The following CLEC17A variants were observed in gnomAD, a reference collection of about 807,000 sequenced individuals.
The protein encoded by CLEC17A is C-type lectin domain family 17, member A.
A neutral mutation model predicts 61.3 loss-of-function variants in CLEC17A; 37 were observed. The ratio of observed to expected loss-of-function variants is 0.60; its 90% CI spans 0.46 to 0.79. The LOEUF is 0.79. CLEC17A is among the 30% of genes least tolerant of loss of function. The pLI is 0.00. For synonymous variants in CLEC17A, 168 were observed against 164.9 expected (o/e 1.02, Z -0.14); for missense variants, 418 against 464.7 (o/e 0.90, Z 0.92).
chr19:14,597,091 C>G lies in CLEC17A; in HGVS notation c.584-8C>G, dbSNP rs146675469. ...GGACCTGGGCTCAATTTGGACTCTTCTTCATAGACCAGGAGTTGATGGAAG... is the reference window on the plus strand; with the variant it reads ...GGACCTGGGCTCAATTTGGACTCTTGTTCATAGACCAGGAGTTGATGGAAG... On this transcript the variant is annotated splice_polypyrimidine_tract_variant and splice_region_variant and intron_variant, in intron 9 of 13. Coordinates refer to ENST00000417570, the MANE Select transcript of CLEC17A (RefSeq NM_001204118.2). The G allele has an allele frequency of 0.012, 19,647 of 1,612,932 alleles. 132 individuals are homozygous for G. The highest frequency in any genetic ancestry group is 0.019 in the South Asian group (1,692 of 90,834).
At chr19:14,581,345 A>G (rs1267721998), upstream of CLEC17A, among the ~76,000 whole-genome samples, 1 of 152,162 alleles carries the variant, frequency 6.6e-6, no homozygotes, top group Non-Finnish European at 1.5e-5. Context: ...CTATTTTGAG[A>G]TAGAGTCCTG....
At chr19:14,595,879 G>A (rs1395247790) in intron 8 of CLEC17A, among the ~76,000 whole-genome samples, 1 of 142,904 alleles carries the variant, frequency 7.0e-6, no homozygotes, top group Non-Finnish European at 1.5e-5. Flanking sequence ...GTGTTAGTGA[G>A]ATGGTGATGA....
In CLEC17A at chr19:14,596,890, T is replaced by C; in HGVS notation, c.460T>C (p.Trp154Arg). Residue 154 changes from tryptophan to arginine, a missense_variant, in exon 9 of 14, where the codon TGG becomes CGG. By Grantham distance (101) the Trp-to-Arg change is moderately radical. Transcript: ENST00000417570. ...QPSLAATPVP[W>R]LNQRSGGPGC... is the part of the protein sequence containing the mutation. ...CCACTCCCCAGCAACTCCAGTCCCCTGGCTCAATCAGAGGTCTGGAGGTCC... is the reference window on the plus strand; with the variant it reads ...CCACTCCCCAGCAACTCCAGTCCCCCGGCTCAATCAGAGGTCTGGAGGTCC... 6.2e-7 allele frequency: 1 copy of C among 1,609,214 alleles called. No homozygotes were observed. The highest frequency in any genetic ancestry group is 1.3e-5 in the African/African-American group (1 of 74,842).
At chr19:14,608,822 C>T (rs1304880409) in intron 13 of CLEC17A, among the ~76,000 whole-genome samples, 2 of 142,010 alleles carry the variant, frequency 1.4e-5, no homozygotes, top group African/African-American at 5.3e-5. Context: ...TTTTTTGAGA[C>T]GGAGTCTCAC....
At chr19:14,601,982 C>T (rs1255686945) in intron 12 of CLEC17A, among the ~76,000 whole-genome samples, 8 of 151,840 alleles carry the variant, frequency 5.3e-5, no homozygotes, top group Non-Finnish European at 7.4e-5. Context: ...TTAGTAGAGA[C>T]GGGGTTTCAC....
upstream of CLEC17A, chr19:14,582,983 GT>G: frequency 1.6e-6 from 1 of 617,364 alleles, no homozygotes; most frequent in Non-Finnish European, 2.9e-6. Flanking sequence ...GTGTGTGTGT[GT>G]GTGTGTTTGT....
At chr19:14,588,277 C>T (rs1387761093) in intron 3 of CLEC17A, 1 of 147,256 alleles carries the variant, frequency 6.8e-6, no homozygotes, top group Non-Finnish European at 1.5e-5. Context: ...CGCTTGAGGA[C>T]AGGAGTTTGA....
At chr19:14,605,494 A>G (rs1330866986) in intron 12 of CLEC17A, among the ~76,000 whole-genome samples, 8 of 152,206 alleles carry the variant, frequency 5.3e-5, no homozygotes, top group Admixed American at 5.2e-4. Context: ...ATGTATGTTC[A>G]GTGAACTTTG....
At chr19:14,601,450 G>T (rs1236460325) in intron 12 of CLEC17A, among the ~76,000 whole-genome samples, 1 of 152,150 alleles carries the variant, frequency 6.6e-6, no homozygotes, top group Non-Finnish European at 1.5e-5. Context: ...ATTACTATTT[G>T]TACACAATAT....
chr19:14,587,999 G>A lies in CLEC17A; in HGVS notation c.199+308G>A, dbSNP rs186766384. 2.0e-5 allele frequency among the ~76,000 whole-genome samples: 3 copies of A among 152,238 alleles called. No homozygotes were observed. The East Asian group carries it at 5.8e-4, about 30-fold the overall frequency. On this transcript the variant is annotated intron_variant, in intron 3 of 13. Coordinates refer to ENST00000417570, the MANE Select transcript of CLEC17A (RefSeq NM_001204118.2). ...TGAGGGATGAGTAGACATTTCTTAA[G>A]AAGAGAAGTCCAGGAGAGAACTGTT...
At chr19:14,591,377 A>G (rs2074412081) in intron 3 of CLEC17A, among the ~76,000 whole-genome samples, 1 of 150,244 alleles carries the variant, frequency 6.7e-6, no homozygotes, top group South Asian at 2.1e-4. Context: ...GATAGTCTCG[A>G]TCTCCTGACC....
At chr19:14,598,921 C>T (rs1161853134) in intron 10 of CLEC17A, among the ~76,000 whole-genome samples, 2 of 152,048 alleles carry the variant, frequency 1.3e-5, no homozygotes, top group Non-Finnish European at 2.9e-5. Context: ...GATTGCACTC[C>T]AGCCTGTGGG....
chr19:14,591,912 G>C (rs2074428589), intron 3 of CLEC17A, among the ~76,000 whole-genome samples: 2 of 151,376 alleles, frequency 1.3e-5, no homozygotes, highest in South Asian at 4.2e-4. Context: ...GTGTGTGTGT[G>C]TGTGTGTGTG....
At chr19:14,593,831 G>A (rs569681323) in intron 4 of CLEC17A, among the ~76,000 whole-genome samples, 9 of 151,778 alleles carry the variant, frequency 5.9e-5, no homozygotes, top group Non-Finnish European at 7.4e-5. Context: ...GTGTGGTGGT[G>A]GGCACCTGTA....
chr19:14,606,448 G>A (rs1264944843), intron 12 of CLEC17A, among the ~76,000 whole-genome samples: 2 of 151,950 alleles, frequency 1.3e-5, no homozygotes, highest in Non-Finnish European at 2.9e-5. Context: ...GGAGGCTGAG[G>A]CAGGTGAATC....
upstream of CLEC17A, among the ~76,000 whole-genome samples, chr19:14,582,368 A>G (rs1051180876): frequency 2.0e-5 from 3 of 151,302 alleles, no homozygotes; most frequent in African/African-American, 7.3e-5. Flanking sequence ...ACCCGCCACC[A>G]CACCCAGCTA....
chr19:14,587,707 G>A lies in CLEC17A; in HGVS notation c.199+16G>A. On this transcript the variant is annotated intron_variant, in intron 3 of 13. Transcript: ENST00000417570. Reference sequence around the variant, plus strand: ...CCCAAGCCAGGTAAGAGGACTTTTTGGAGTGTGACCTGGGGGAATACAGGG... The same window carrying A: ...CCCAAGCCAGGTAAGAGGACTTTTTAGAGTGTGACCTGGGGGAATACAGGG... 6.2e-7 allele frequency: 1 copy of A among 1,609,540 alleles called. No individual in the cohort carries two copies. The highest frequency in any genetic ancestry group is 8.5e-7 in the Non-Finnish European group (1 of 1,177,924).
chr19:14,607,650 A>G (rs919801759), intron 13 of CLEC17A, among the ~76,000 whole-genome samples: 1 of 151,556 alleles, frequency 6.6e-6, no homozygotes, highest in African/African-American at 2.4e-5. Flanking sequence ...ATCTCAGCTC[A>G]CTGTAATCTC....
intron 2 of CLEC17A, 44 bp from the exon 3 acceptor site, chr19:14,587,570 G>A (rs1016960478): frequency 3.1e-5 from 48 of 1,531,666 alleles, no homozygotes; most frequent in Non-Finnish European, 4.0e-5. Flanking sequence ...AGGGATGGAG[G>A]GAGGAGGGAA....
Sources: gnomAD v4.1 joint callset for allele counts (sites outside exome capture counted in the v4.1 genomes callset) on GRCh38, gnomAD v4.1.1 for gene constraint, MANE v1.5 for transcripts, NCBI Gene and HGNC (gene_info 2026-07-23, HGNC 2026-07-21) for gene names.